The following PFAS variants were observed in gnomAD, a reference collection of about 807,000 sequenced individuals.
PFAS encodes FGAM synthase.
A neutral mutation model predicts 140.6 loss-of-function variants in PFAS; 97 were observed. The ratio of observed to expected loss-of-function variants is 0.69; its 90% CI spans 0.59 to 0.82. The LOEUF is 0.82. Ranked by LOEUF, PFAS falls within the 40% of genes least tolerant of loss-of-function variation. The pLI is 0.00. For missense variants in PFAS, 1,656 were observed against 1,780.2 expected (o/e 0.93, Z 1.26); for synonymous variants, 679 against 718.8 (o/e 0.94, Z 0.88).
chr17:8,255,972 G>C, intron 6 of PFAS, 62 bp downstream of exon 6: 1 of 1,274,024 alleles, frequency 7.8e-7, no homozygotes, highest in Non-Finnish European at 1.1e-6. Flanking sequence ...GACCACAGGG[G>C]CTCACCTTCA....
In PFAS at chr17:8,266,730, G is replaced by A. The variant is rs375365136; in HGVS notation, c.2822-23G>A. 36 of 1,581,006 alleles carry A rather than the reference G, an allele frequency of 2.3e-5. No homozygotes were observed. Among genetic ancestry groups the A allele is most frequent in the Non-Finnish European group, 2.9e-5 (34 of 1,165,360 alleles). On this transcript the variant is annotated intron_variant, in intron 22 of 27. Coordinates refer to ENST00000314666, the MANE Select transcript of PFAS (RefSeq NM_012393.3). The surrounding 1 kb of genome is among the most constrained non-coding windows in gnomAD (Gnocchi z 5.0). ...CCCTTGGCCCTTCTTGCATCCCCCT[G>A]ACTCCCCACATTGCTCTCCCAGTCC... is the stretch of plus-strand genomic sequence containing the variant.
At chr17:8,265,171 A>C (rs1340716115) in intron 18 of PFAS, 46 bp downstream of exon 18, 1 of 1,570,896 alleles carries the variant, frequency 6.4e-7, no homozygotes, top group East Asian at 2.3e-5. Context: ...GGGCTTCAGG[A>C]CCCTTCCACA....
chr17:8,257,701 T>C, intron 9 of PFAS, 106 bp from the exon 10 acceptor site: 2 of 1,149,964 alleles, frequency 1.7e-6, no homozygotes, highest in Non-Finnish European at 2.6e-6. Flanking sequence ...ATTGCAACCA[T>C]GCAGGTGGTC....
intron 12 of PFAS, 53 bp downstream of exon 12, chr17:8,263,046 C>T: frequency 6.2e-7 from 1 of 1,605,550 alleles, no homozygotes; most frequent in Non-Finnish European, 8.5e-7. Context: ...GGGCCCCAGG[C>T]ATAGGGGAGC....
rs148050925 is a variant in PFAS at position 8,258,138 on chromosome 17, G to A, written c.1275G>A (p.Met425Ile). 45 of 1,614,014 alleles carry A rather than the reference G, an allele frequency of 2.8e-5. No homozygotes were observed. The highest frequency in any genetic ancestry group is 3.8e-5 in the Non-Finnish European group (45 of 1,180,036). The stretch of plus-strand genomic sequence containing the variant: ...GGCGTGAGTGGATCAAGCCCATCAT[G>A]TTTAGTGGGGGCATTGGGTCCATGG... ...GQRREWIKPI[M>I]FSGGIGSMEA... The change falls in exon 11 of 28, where the codon ATG becomes ATA. Residue 425 changes from methionine to isoleucine, a missense_variant. Met to Ile is a conservative substitution (Grantham distance 10). Around this residue, in one of 2 missense-constraint regions of PFAS, gnomAD observed 773 missense variants for 757.3 expected, o/e 1.02. Transcript: ENST00000314666.
intron 10 of PFAS, 52 bp from the exon 11 acceptor site, chr17:8,258,019 G>A (rs1989442624): frequency 6.2e-7 from 1 of 1,612,882 alleles, no homozygotes; most frequent in Non-Finnish European, 8.5e-7. Context: ...TGTGCTATTG[G>A]GCGAGCACTG....
chr17:8,248,061 G>A, upstream of PFAS: 1 of 1,578,512 alleles, frequency 6.3e-7, no homozygotes, highest in Non-Finnish European at 8.6e-7. Context: ...CCGCCCCCGG[G>A]AGGGGCAGGT....
Position 8,268,784 on chromosome 17 carries a change from G to A in PFAS, c.3634G>A (p.Gly1212Arg). The change falls in exon 27 of 28, where the codon GGG becomes AGG. Residue 1212 changes from glycine to arginine, a missense_variant. Transcript: ENST00000314666. ...YESRWASVRVGPGPALMLRGM... is the reference protein window; with the variant it reads ...YESRWASVRVRPGPALMLRGM... ...GTCTCGCTGGGCCAGCGTGCGTGTG[G>A]GGCCTGGGCCAGCCCTGATGCTGCG... 1 of 1,609,586 alleles carries A rather than the reference G, an allele frequency of 6.2e-7. No homozygotes were observed. Among genetic ancestry groups the A allele is most frequent in the Non-Finnish European group, 8.5e-7 (1 of 1,179,796 alleles).
upstream of PFAS, chr17:8,247,809 C>G: frequency 1.6e-6 from 1 of 612,512 alleles, no homozygotes; most frequent in East Asian, 2.8e-5. Context: ...AGGCTCACAG[C>G]GGGCGCCGCG....
At chr17:8,264,093 G>T in intron 15 of PFAS, 119 bp from the exon 16 acceptor site, 2 of 1,471,396 alleles carry the variant, frequency 1.4e-6, no homozygotes, top group Non-Finnish European at 1.9e-6. Flanking sequence ...GAGGGGCAGG[G>T]ACTCAATATG....
intron 11 of PFAS, among the ~76,000 whole-genome samples, chr17:8,262,683 C>T (rs2151589461): frequency 6.6e-6 from 1 of 152,228 alleles, no homozygotes; most frequent in East Asian, 1.9e-4. Context: ...GTAGTCCCAG[C>T]TACTCAGGAG....
chr17:8,266,011 C>T lies in PFAS; in HGVS notation c.2695C>T (p.Leu899=), dbSNP rs1275136887. The part of the protein sequence containing the change: ...VRAFSITQGL[L]KDRLLCSGHD... ...GGCCTTCAGCATCACTCAGGGGCTG[C>T]TGAAAGGTGAGTGAAGACCCCTGGG... The change falls in exon 21 of 28, where the codon CTG becomes TTG. Residue 899 remains leucine, a synonymous_variant. Coordinates refer to ENST00000314666, the MANE Select transcript of PFAS (RefSeq NM_012393.3). The surrounding 1 kb of genome is among the most constrained non-coding windows in gnomAD (Gnocchi z 5.0). 1.2e-6 allele frequency: 2 copies of T among 1,605,486 alleles called. No individual in the cohort carries two copies. Among genetic ancestry groups the T allele is most frequent in the African/African-American group, 2.7e-5 (2 of 74,740 alleles).
intron 11 of PFAS, 50 bp from the exon 12 acceptor site, chr17:8,262,870 C>T (rs1319184640): frequency 1.4e-6 from 2 of 1,458,226 alleles, no homozygotes; most frequent in Non-Finnish European, 1.9e-6. Context: ...CTTTCGAGGC[C>T]TCTTCTCGTG....
At chr17:8,254,430 A>G (rs766484921) in intron 3 of PFAS, 129 bp downstream of exon 3, 9 of 1,015,112 alleles carry the variant, frequency 8.9e-6, no homozygotes, top group Non-Finnish European at 1.3e-5. Context: ...TGCTTTCCCC[A>G]TTTGGGTAGA....
In PFAS at chr17:8,268,764, G is replaced by C. The variant is rs778606190; in HGVS notation, c.3614G>C (p.Arg1205Pro). The stretch of plus-strand genomic sequence containing the variant: ...AACCTGTCTGGGCGCTACGAGTCTC[G>C]CTGGGCCAGCGTGCGTGTGGGGCCT... ...RHNLSGRYES[R>P]WASVRVGPGP... Residue 1205 changes from arginine to proline, a missense_variant, in exon 27 of 28, where the codon CGC (arginine) becomes CCC (proline). Around this residue, in one of 2 missense-constraint regions of PFAS, gnomAD observed 883 missense variants for 1,023.0 expected, o/e 0.86. Coordinates refer to ENST00000314666, the MANE Select transcript of PFAS (RefSeq NM_012393.3). 6.8e-6 allele frequency: 11 copies of C among 1,611,148 alleles called. No homozygotes were observed. The highest frequency in any genetic ancestry group is 8.5e-6 in the Non-Finnish European group (10 of 1,179,844).
chr17:8,268,551 C>T lies in PFAS; in HGVS notation c.3401C>T (p.Thr1134Ile), dbSNP rs1186392161. Residue 1134 changes from threonine (T) to isoleucine (I), a missense_variant, in exon 27 of 28, where the codon ACC becomes ATC. Physicochemically the swap from Thr to Ile is moderately conservative, Grantham distance 89. Coordinates refer to ENST00000314666, the MANE Select transcript of PFAS (RefSeq NM_012393.3). ...GSAKGWAAAV[T>I]FHPRAGAELR... ...CTGCTAGGGTGGGCAGCTGCTGTGA[C>T]CTTTCATCCCAGGGCTGGGGCTGAG... 6.2e-7 allele frequency: 1 copy of T among 1,612,028 alleles called. No homozygotes were observed. The highest frequency in any genetic ancestry group is 8.5e-7 in the Non-Finnish European group (1 of 1,179,716).
Position 8,267,943 on chromosome 17 carries a change from TTA to T in PFAS, c.3382+284_3382+285del, listed in dbSNP as rs1045741144. On this transcript the variant is annotated intron_variant, in intron 26 of 27. Coordinates refer to ENST00000314666, the MANE Select transcript of PFAS (RefSeq NM_012393.3). This position sits in a 1 kb window ranked among gnomAD's most constrained non-coding sequence, Gnocchi z 4.9. ...TATATATTATTAAAATGTATATTAT[TTA>T]TATATTATTAAAATATATATTATTT... Among the ~76,000 whole-genome samples the T allele has an allele frequency of 6.9e-5, 10 of 144,848 alleles. No homozygotes were observed. Among genetic ancestry groups the T allele is most frequent in the African/African-American group, 1.5e-4 (6 of 39,946 alleles).
At position 8,269,191 on chromosome 17, in the gene PFAS, A is replaced by T; in HGVS notation, c.3944A>T (p.Asp1315Val). The part of the protein sequence containing the change: ...WQWAWRPPPF[D>V]TLTTSPWLQL... Reference sequence around the variant, plus strand: ...TGGGCATGGCGACCCCCTCCATTTGATACTCTGACCACCTCCCCCTGGCTC... The same window carrying T: ...TGGGCATGGCGACCCCCTCCATTTGTTACTCTGACCACCTCCCCCTGGCTC... The change falls in exon 28 of 28, where the codon GAT (aspartate) becomes GTT (valine). Residue 1315 changes from aspartate to valine, a missense_variant. Transcript: ENST00000314666. 6.2e-7 allele frequency: 1 copy of T among 1,613,604 alleles called. No homozygotes were observed. Among genetic ancestry groups the T allele is most frequent in the South Asian group, 1.1e-5 (1 of 91,078 alleles).
intron 11 of PFAS, chr17:8,262,531 C>T (rs1567641339): frequency 9.6e-6 from 2 of 209,094 alleles, no homozygotes; most frequent in Admixed American, 5.2e-5. Context: ...GGGTGGCTCA[C>T]GACTGTAATC....
Sources: allele counts gnomAD v4.1 joint callset (sites outside exome capture counted in the v4.1 genomes callset), GRCh38; gene constraint gnomAD v4.1.1; regional missense constraint gnomAD v4.1.1; non-coding constraint Gnocchi (gnomAD v3.1); transcripts MANE v1.5; gene names NCBI Gene and HGNC (gene_info 2026-07-23, HGNC 2026-07-21).